The following WDR33 variants were observed in gnomAD, a reference collection of about 807,000 sequenced individuals.
The protein encoded by WDR33 is WD repeat domain 33.
Under a neutral mutation model 164.9 loss-of-function variants are expected in WDR33, and 47 were observed. The ratio of observed to expected loss-of-function variants is 0.29; its 90% CI spans 0.23 to 0.36. The LOEUF (loss-of-function observed/expected upper bound fraction) is 0.36. WDR33 is among the 10% of genes least tolerant of loss of function. The probability of loss-of-function intolerance (pLI) is 1.00; values close to 1 mark genes in which losing one functional copy is unlikely to be tolerated. For synonymous variants in WDR33, 505 were observed against 589.0 expected, an observed-to-expected ratio of 0.86 and a Z score of 2.06; for missense variants, 1,137 against 1,754.1, an observed-to-expected ratio of 0.65 and a Z score of 6.28.
intron 1 of WDR33, among the ~76,000 whole-genome samples, chr2:127,791,171 C>CG (rs1573468597): frequency 8.8e-6 from 1 of 114,256 alleles, no homozygotes; most frequent in East Asian, 3.3e-4. Flanking sequence ...CCCACCCCCC[C>CG]CCCCAGCAAC....
At chr2:127,742,519 TC>T (rs2105403944) in intron 7 of WDR33, among the ~76,000 whole-genome samples, 1 of 107,988 alleles carries the variant, frequency 9.3e-6, no homozygotes, top group East Asian at 2.5e-4. Flanking sequence ...AGAGACCCTG[TC>T]TCAAAAAAAA....
intron 7 of WDR33, among the ~76,000 whole-genome samples, chr2:127,752,108 T>C (rs983783470): frequency 1.3e-5 from 2 of 152,244 alleles, no homozygotes; most frequent in Admixed American, 1.3e-4. Flanking sequence ...CCAAGATTCC[T>C]ACCTTACTGC....
At chr2:127,803,696 T>C (rs184632980) in intron 1 of WDR33, among the ~76,000 whole-genome samples, 1 of 152,148 alleles carries the variant, frequency 6.6e-6, no homozygotes, top group Non-Finnish European at 1.5e-5. Flanking sequence ...GGTTTATAAA[T>C]AATATTTTCT....
At position 127,719,471 on chromosome 2, in the gene WDR33, A is replaced by G. The variant is rs61730431; in HGVS notation, c.2554T>C (p.Leu852=). The change falls in exon 16 of 22, where the codon TTG becomes CTG. Residue 852 remains leucine, a synonymous_variant. Transcript: ENST00000322313. The surrounding 1 kb of genome is among the most constrained non-coding windows in gnomAD (Gnocchi z 6.5). ...QGSMLGPPQE[L]RGPPGSQSQQ... ...CTTTGTGAGCCTGGAGGCCCTCGCA[A>G]TTCCTGGGGAGGTCCCAGCATTGAT... The G allele has an allele frequency of 8.9e-4, 1,419 of 1,589,314 alleles. No homozygotes were observed. Among genetic ancestry groups the G allele is most frequent in the Admixed American group, 1.4e-3 (80 of 56,486 alleles).
In WDR33 at chr2:127,721,357, C is replaced by G. The variant is rs1305760046; in HGVS notation, c.1671+479G>C. Among the ~76,000 whole-genome samples, 1 of 152,152 alleles carries G rather than the reference C, an allele frequency of 6.6e-6. No homozygotes were observed. The highest frequency in any genetic ancestry group is 1.5e-5 in the Non-Finnish European group (1 of 68,024). On this transcript the variant is annotated intron_variant, in intron 15 of 21. Coordinates refer to ENST00000322313, the MANE Select transcript of WDR33 (RefSeq NM_018383.5). The surrounding 1 kb of genome is among the most constrained non-coding windows in gnomAD (Gnocchi z 4.9). ...TCCTGATCTCAGGTGATCTGTCTGC[C>G]TCGGCCTCCCAAAGTGCTGGGATTA...
At chr2:127,739,479 C>T (rs935280682) in intron 7 of WDR33, among the ~76,000 whole-genome samples, 1 of 152,206 alleles carries the variant, frequency 6.6e-6, no homozygotes, top group Admixed American at 6.5e-5. Flanking sequence ...TGCTCATATG[C>T]TACATAATGG....
chr2:127,774,288 A>C (rs1039173012), intron 1 of WDR33, among the ~76,000 whole-genome samples: 5 of 150,336 alleles, frequency 3.3e-5, no homozygotes, highest in African/African-American at 1.2e-4. Flanking sequence ...CTGGCCTCGG[A>C]TGATCCGCCC....
chr2:127,799,670 C>A (rs1482540347), intron 1 of WDR33, among the ~76,000 whole-genome samples: 3 of 152,164 alleles, frequency 2.0e-5, no homozygotes, highest in Non-Finnish European at 4.4e-5. Flanking sequence ...TGGCAGGCAC[C>A]TGTAATCCCA....
chr2:127,748,067 C>T (rs983372279), intron 7 of WDR33, among the ~76,000 whole-genome samples: 1 of 152,202 alleles, frequency 6.6e-6, no homozygotes, highest in African/African-American at 2.4e-5. Flanking sequence ...GCTATTTCTT[C>T]ACCAATTACA....
intron 1 of WDR33, chr2:127,810,704 T>C (rs887199598): frequency 6.6e-6 from 1 of 152,312 alleles, no homozygotes; most frequent in African/African-American, 2.4e-5. Context: ...TCAGTTAAAA[T>C]GCATTTCCCT....
Position 127,713,514 on chromosome 2 carries a change from A to G in WDR33, c.3308+69T>C, listed in dbSNP as rs777837788. 36 of 1,518,046 alleles carry G rather than the reference A, an allele frequency of 2.4e-5. No homozygotes were observed. Among genetic ancestry groups the G allele is most frequent in the Non-Finnish European group, 3.1e-5 (35 of 1,114,458 alleles). 94.0% of individuals were successfully genotyped at this position (1,518,046 alleles called of 1,614,324 possible). On this transcript the variant is annotated intron_variant, in intron 18 of 21. Transcript: ENST00000322313. The surrounding 1 kb of genome is among the most constrained non-coding windows in gnomAD (Gnocchi z 6.2). Reference sequence around the variant, plus strand: ...TTTCCTCAAGAAAAAGAAGAAAGAGACCTTTGTGGAGACAGCAGATAAAAA... The same window carrying G: ...TTTCCTCAAGAAAAAGAAGAAAGAGGCCTTTGTGGAGACAGCAGATAAAAA...
Position 127,715,154 on chromosome 2 carries a change from T to A in WDR33, c.2870-1133A>T, listed in dbSNP as rs1686270466. On this transcript the variant is annotated intron_variant, in intron 17 of 21. Transcript: ENST00000322313. Reference sequence around the variant, plus strand: ...GTCACCAGGCTGGAATGAAGTGGCGTGATCTCAGCTCACTGAAACCTCCAC... The same window carrying A: ...GTCACCAGGCTGGAATGAAGTGGCGAGATCTCAGCTCACTGAAACCTCCAC... 2.0e-5 allele frequency among the ~76,000 whole-genome samples: 3 copies of A among 148,338 alleles called. No individual in the cohort carries two copies. In the Admixed American group the frequency reaches 2.1e-4, roughly 10 times the overall value.
At position 127,701,865 on chromosome 2, in the gene WDR33, T is replaced by A. The variant is rs1426287656; in HGVS notation, c.*4458A>T. 4.8e-6 allele frequency: 7 copies of A among 1,460,490 alleles called. No homozygotes were observed. Among genetic ancestry groups the A allele is most frequent in the Non-Finnish European group, 5.4e-6 (6 of 1,111,650 alleles). 90.5% of individuals were successfully genotyped at this position (1,460,490 alleles called of 1,614,324 possible). The stretch of plus-strand genomic sequence containing the variant: ...CGCGCGCAAGTTCGCGCTGCTCTGG[T>A]CACTGGGCTCGGCGCTGGCGTTGGC... On this transcript the variant is annotated 3_prime_UTR_variant, in exon 22 of 22. Coordinates refer to ENST00000322313, the MANE Select transcript of WDR33 (RefSeq NM_018383.5).
At chr2:127,782,853 C>T (rs925326923) in intron 1 of WDR33, among the ~76,000 whole-genome samples, 2 of 152,008 alleles carry the variant, frequency 1.3e-5, no homozygotes, top group Non-Finnish European at 2.9e-5. Context: ...ACTAAAAATA[C>T]AAAAAATTAG....
At chr2:127,751,293 G>A (rs1573915474) in intron 7 of WDR33, among the ~76,000 whole-genome samples, 1 of 151,668 alleles carries the variant, frequency 6.6e-6, no homozygotes, top group South Asian at 2.1e-4. Context: ...CCTGGCAGGT[G>A]GAGGCTGCGG....
intron 1 of WDR33, among the ~76,000 whole-genome samples, chr2:127,782,834 C>A (rs976967344): frequency 6.6e-6 from 1 of 152,020 alleles, no homozygotes; most frequent in African/African-American, 2.4e-5. Flanking sequence ...ATGGTGAAAC[C>A]CCATCTCTAC....
Position 127,713,653 on chromosome 2 carries a change from G to C in WDR33, c.3238C>G (p.Arg1080Gly), listed in dbSNP as rs761156480. The change falls in exon 18 of 22, where the codon CGC becomes GGC. Residue 1080 changes from arginine (R) to glycine (G), a missense_variant. Physicochemically the swap from Arg to Gly is moderately radical, Grantham distance 125 (BLOSUM62 -2). Coordinates refer to ENST00000322313, the MANE Select transcript of WDR33 (RefSeq NM_018383.5). The surrounding 1 kb of genome is among the most constrained non-coding windows in gnomAD (Gnocchi z 6.2). ...ARGPPGAWEG[R>G]RPGDERFPRD... ...GGGAAACGTTCATCTCCGGGCCTGC[G>C]GCCTTCCCATGCCCCCGGAGGGCCT... is the stretch of plus-strand genomic sequence containing the variant. 6.2e-7 allele frequency: 1 copy of C among 1,614,116 alleles called. No individual in the cohort carries two copies. The highest frequency in any genetic ancestry group is 1.3e-5 in the African/African-American group (1 of 74,942).
chr2:127,788,354 T>C (rs1397860100), intron 1 of WDR33, among the ~76,000 whole-genome samples: 1 of 82,596 alleles, frequency 1.2e-5, no homozygotes, highest in Admixed American at 1.2e-4. Context: ...GGCTCCTCAC[T>C]TCCCAGTAGG....
Position 127,720,468 on chromosome 2 carries a change from A to C in WDR33, c.1672-115T>G. The C allele has an allele frequency of 7.9e-7, 1 of 1,263,916 alleles. No homozygotes were observed. Among genetic ancestry groups the C allele is most frequent in the East Asian group, 2.6e-5 (1 of 39,002 alleles). The allele number at this position is 1,263,916 out of a possible 1,614,324, so 78.3% of individuals were successfully genotyped here. A position where few individuals can be genotyped will look rare whatever the true frequency, so the allele number is the denominator to read the frequency against. ...ACTCTCAAACATAAAAACTGCTCAA[A>C]CTCTTCACGCTCCAGTGGTAATTAG... On this transcript the variant is annotated intron_variant, in intron 15 of 21. Transcript: ENST00000322313. This position sits in a 1 kb window ranked among gnomAD's most constrained non-coding sequence, Gnocchi z 5.9.
Sources: gnomAD v4.1 joint callset for allele counts (sites outside exome capture counted in the v4.1 genomes callset) on GRCh38, gnomAD v4.1.1 for gene constraint, Gnocchi (gnomAD v3.1) non-coding constraint, MANE v1.5 for transcripts, NCBI Gene and HGNC (gene_info 2026-07-23, HGNC 2026-07-21) for gene names.